The following EYS variants were observed in gnomAD, a reference collection of about 807,000 sequenced individuals.
EYS encodes the protein protein eyes shut homolog.
A neutral mutation model predicts 282.1 loss-of-function variants in EYS; 250 were observed. The ratio of observed to expected loss-of-function variants is 0.89; its 90% CI spans 0.80 to 0.98. EYS has a LOEUF of 0.98. EYS is among the 50% of genes least tolerant of loss of function. The pLI is 0.00. For missense variants in EYS, 4,016 were observed against 3,709.0 expected, an observed-to-expected ratio of 1.08 and a Z score of -2.15; for synonymous variants, 1,355 against 1,282.9, an observed-to-expected ratio of 1.06 and a Z score of -1.20.
At chr6:64,956,218 C>G (rs1324655523) in intron 14 of EYS, among the ~76,000 whole-genome samples, 1 of 152,266 alleles carries the variant, frequency 6.6e-6, no homozygotes, top group East Asian at 1.9e-4. Flanking sequence ...AGTAACCAAA[C>G]AGCATGTTGC....
intron 12 of EYS, among the ~76,000 whole-genome samples, chr6:65,159,939 G>A (rs567869999): frequency 1.3e-5 from 2 of 151,064 alleles, no homozygotes; most frequent in South Asian, 2.1e-4. Context: ...TGAGAGTAAC[G>A]AAGAGTCAAA....
intron 2 of EYS, among the ~76,000 whole-genome samples, chr6:65,609,727 G>T (rs1765926709): frequency 6.6e-6 from 1 of 152,028 alleles, no homozygotes; most frequent in Non-Finnish European, 1.5e-5. Context: ...TAAACAATCA[G>T]TTTCTCCAAA....
At chr6:64,453,667 C>G (rs1775449886) in intron 26 of EYS, among the ~76,000 whole-genome samples, 1 of 152,144 alleles carries the variant, frequency 6.6e-6, no homozygotes, top group Non-Finnish European at 1.5e-5. Context: ...CCATGGGATA[C>G]TATGCAGCCA....
chr6:64,436,461 G>A (rs1774751537), intron 27 of EYS, among the ~76,000 whole-genome samples, 196 bp from the exon 28 acceptor site: 1 of 151,752 alleles, frequency 6.6e-6, no homozygotes, highest in Non-Finnish European at 1.5e-5. Context: ...AAATATATGA[G>A]TATTATATAG....
intron 19 of EYS, among the ~76,000 whole-genome samples, chr6:64,828,269 T>C (rs1284270460): frequency 1.3e-5 from 2 of 151,758 alleles, no homozygotes; most frequent in African/African-American, 4.8e-5. Flanking sequence ...TAGAATAATA[T>C]CAAAGTTTCT....
In EYS at chr6:65,060,970, G is replaced by T. The variant is rs148217931; in HGVS notation, c.2024-3243C>A. 3.3e-3 allele frequency among the ~76,000 whole-genome samples: 496 copies of T among 151,764 alleles called. 13 individuals are homozygous for T. The East Asian group carries it at 0.071, about 22-fold the overall frequency. On this transcript the variant is annotated intron_variant, in intron 12 of 42. Transcript: ENST00000503581. ...AATGCAGAAAAATGCCAATGATACT[G>T]TATCTGTAAAGGACAGGTAATCATT... is the stretch of plus-strand genomic sequence containing the variant.
chr6:64,233,133 G>T (rs1486703314), intron 30 of EYS, among the ~76,000 whole-genome samples: 1 of 152,094 alleles, frequency 6.6e-6, no homozygotes, highest in African/African-American at 2.4e-5. Context: ...TGCTCAGGGA[G>T]CCTATGTCTC....
intron 31 of EYS, among the ~76,000 whole-genome samples, chr6:64,202,558 T>C (rs978407093): frequency 1.1e-4 from 17 of 152,290 alleles, no homozygotes; most frequent in African/African-American, 3.9e-4. Flanking sequence ...TGAAGAAGCA[T>C]AGATAATCGA....
intron 11 of EYS, among the ~76,000 whole-genome samples, chr6:65,308,000 T>C (rs923805310): frequency 1.5e-4 from 22 of 150,102 alleles, no homozygotes; most frequent in Non-Finnish European, 2.5e-4. Context: ...TTTGAGATGA[T>C]GTCTCACTGT....
intron 2 of EYS, among the ~76,000 whole-genome samples, chr6:65,547,497 A>G (rs1768436328): frequency 6.6e-6 from 1 of 152,026 alleles, no homozygotes; most frequent in Non-Finnish European, 1.5e-5. Flanking sequence ...GTTCCTGATT[A>G]CTTGTATGTG....
intron 22 of EYS, among the ~76,000 whole-genome samples, chr6:64,651,580 G>A (rs1262976002): frequency 1.3e-5 from 2 of 152,212 alleles, no homozygotes; most frequent in African/African-American, 4.8e-5. Context: ...CACATCGGGA[G>A]GCTGAGACGG....
chr6:64,082,615 C>T (rs1772010400), intron 31 of EYS, among the ~76,000 whole-genome samples: 1 of 151,958 alleles, frequency 6.6e-6, no homozygotes, highest in African/African-American at 2.4e-5. Flanking sequence ...AGAACTGTCA[C>T]ACAGAGGAAT....
chr6:65,538,959 T>C (rs1301388238), intron 2 of EYS, among the ~76,000 whole-genome samples: 2 of 152,198 alleles, frequency 1.3e-5, no homozygotes, highest in Non-Finnish European at 2.9e-5. Context: ...GCAACAAGTT[T>C]AATGCAGTTA....
chr6:65,025,836 G>A (rs894369829), intron 13 of EYS, among the ~76,000 whole-genome samples: 1 of 152,038 alleles, frequency 6.6e-6, no homozygotes, highest in South Asian at 2.1e-4. Flanking sequence ...TTCTATAAAG[G>A]GTACACTGGG....
intron 28 of EYS, among the ~76,000 whole-genome samples, chr6:64,432,136 G>T (rs1192012901): frequency 6.6e-6 from 1 of 152,040 alleles, no homozygotes; most frequent in African/African-American, 2.4e-5. Context: ...ATTTGGCTTT[G>T]CAGAGTTTGT....
chr6:64,039,645 A>G (rs533864000), intron 33 of EYS, among the ~76,000 whole-genome samples: 1 of 152,278 alleles, frequency 6.6e-6, no homozygotes, highest in East Asian at 1.9e-4. Context: ...AAATGGGAAT[A>G]TAAGGTTGCC....
chr6:64,864,146 A>G (rs9351458), intron 19 of EYS, among the ~76,000 whole-genome samples: 23,621 of 151,964 alleles, frequency 0.16, 2,162 homozygotes, highest in East Asian at 0.49. Flanking sequence ...CTGATTATCA[A>G]TTGGATCCAA....
At chr6:64,521,701 T>A (rs1337519) in intron 26 of EYS, among the ~76,000 whole-genome samples, 53,584 of 151,548 alleles carry the variant, frequency 0.35, 9,523 homozygotes, top group East Asian at 0.47. Flanking sequence ...ATGCAGCACA[T>A]CTAATTTGGC....
intron 5 of EYS, among the ~76,000 whole-genome samples, chr6:65,470,585 C>T (rs959429921): frequency 6.6e-6 from 1 of 152,056 alleles, no homozygotes; most frequent in Non-Finnish European, 1.5e-5. Flanking sequence ...CAATAGATAT[C>T]ACATTTAAAC....
Sources: gnomAD v4.1 joint callset for allele counts (sites outside exome capture counted in the v4.1 genomes callset) on GRCh38, gnomAD v4.1.1 for gene constraint, MANE v1.5 for transcripts, NCBI Gene and HGNC (gene_info 2026-07-23, HGNC 2026-07-21) for gene names.